The following VIT variants were observed in gnomAD, a reference collection of about 807,000 sequenced individuals.
The protein encoded by VIT is vitrin.
A neutral mutation model predicts 78.0 loss-of-function variants in VIT; 99 were observed. The observed-to-expected ratio is 1.27, with a 90% confidence interval of 1.08 to 1.50. The LOEUF (loss-of-function observed/expected upper bound fraction) is 1.50, where lower values mean the gene tolerates loss of function less well. VIT is among the 40% of genes most tolerant of loss of function. The pLI is 0.00. For missense variants in VIT, 1,126 were observed against 875.3 expected (o/e 1.29, Z -3.61); for synonymous variants, 374 against 334.3 (o/e 1.12, Z -1.29).
chr2:36,781,653 C>T (rs190652609), intron 9 of VIT, 74 bp from the exon 10 acceptor site: 133 of 1,542,840 alleles, frequency 8.6e-5, no homozygotes, highest in Non-Finnish European at 1.1e-4. Flanking sequence ...CTTATCATCC[C>T]GGCAATTCAC....
At chr2:36,729,907 C>CA (rs1288152408) in intron 3 of VIT, among the ~76,000 whole-genome samples, 5 of 152,032 alleles carry the variant, frequency 3.3e-5, no homozygotes, top group Admixed American at 1.3e-4. Flanking sequence ...GCAAATCTCG[C>CA]AAAAAAGCCC....
intron 9 of VIT, among the ~76,000 whole-genome samples, chr2:36,776,988 C>A (rs1357137429): frequency 6.7e-6 from 1 of 149,304 alleles, no homozygotes; most frequent in Non-Finnish European, 1.5e-5. Flanking sequence ...ACTTGGGAGG[C>A]TGAGGCAGGA....
At chr2:36,741,793 C>A (rs147461087) in intron 3 of VIT, among the ~76,000 whole-genome samples, 48 of 152,282 alleles carry the variant, frequency 3.2e-4, no homozygotes, top group South Asian at 1.5e-3. Flanking sequence ...CTTCTACCAA[C>A]ACCCCACTCA....
At chr2:36,768,169 C>T (rs150032983) in intron 7 of VIT, among the ~76,000 whole-genome samples, 3,122 of 152,254 alleles carry the variant, frequency 0.021, 69 homozygotes, top group Middle Eastern at 0.095. Context: ...CGGTGGCTCA[C>T]GCCTGTAATC....
At position 36,783,412 on chromosome 2, in the gene VIT, T is replaced by C. The variant is rs1347699551; in HGVS notation, c.910+10T>C. The C allele has an allele frequency of 3.1e-6, 5 of 1,613,918 alleles. No individual in the cohort carries two copies. Among genetic ancestry groups the C allele is most frequent in the Non-Finnish European group, 3.4e-6 (4 of 1,179,920 alleles). ...TCCCTGGGAGATCCAAGTAAGTTAA[T>C]TGACAACTAGAAACCCACGGTGTCT... is the stretch of plus-strand genomic sequence containing the variant. On this transcript the variant is annotated intron_variant, in intron 11 of 15. Coordinates refer to ENST00000379242, the MANE Select transcript of VIT (RefSeq NM_053276.4).
chr2:36,709,708 G>T (rs1665683210), intron 1 of VIT, among the ~76,000 whole-genome samples: 1 of 152,174 alleles, frequency 6.6e-6, no homozygotes. Flanking sequence ...GAACAATAAT[G>T]TGAATGTGAG....
At chr2:36,776,818 C>G (rs1317953884) in intron 9 of VIT, among the ~76,000 whole-genome samples, 3 of 150,684 alleles carry the variant, frequency 2.0e-5, no homozygotes, top group Non-Finnish European at 4.4e-5. Context: ...TGGCCTGGCG[C>G]GGTGGCTCAC....
At chr2:36,697,326 G>C (rs1013867734) in intron 1 of VIT, among the ~76,000 whole-genome samples, 1 of 152,148 alleles carries the variant, frequency 6.6e-6, no homozygotes, top group African/African-American at 2.4e-5. Context: ...TAAAAACTTT[G>C]CTTGGAATAT....
At chr2:36,781,705 T>G (rs771585340) in intron 9 of VIT, 22 bp from the exon 10 acceptor site, 2 of 1,613,788 alleles carry the variant, frequency 1.2e-6, no homozygotes, top group South Asian at 2.2e-5. Flanking sequence ...CAAGTTTGTT[T>G]CTTTTCAATT....
chr2:36,756,011 G>C (rs1017058988), intron 5 of VIT, among the ~76,000 whole-genome samples: 1 of 137,874 alleles, frequency 7.3e-6, no homozygotes, highest in Non-Finnish European at 1.5e-5. Context: ...AGGTTGGAGC[G>C]TAATGACACG....
At chr2:36,758,546 A>G (rs10176155) in intron 5 of VIT, among the ~76,000 whole-genome samples, 6,648 of 152,298 alleles carry the variant, frequency 0.044, 355 homozygotes, top group East Asian at 0.18. Context: ...ATGAAATTCA[A>G]ATGAATCCCA....
Position 36,808,890 on chromosome 2 carries a change from A to G in VIT, c.1808A>G (p.Lys603Arg), listed in dbSNP as rs1666945201. ...INFALEQLFK[K>R]SKPNKRKLMI... The stretch of plus-strand genomic sequence containing the variant: ...TTCGCCCTGGAGCAGCTCTTCAAGA[A>G]GTCCAAGCCCAACAAGAGGAAGTTA... The change falls in exon 15 of 16, where the codon AAG becomes AGG. Residue 603 changes from lysine (K) to arginine (R), a missense_variant. By Grantham distance (26) the Lys-to-Arg change is conservative. Transcript: ENST00000379242. 6.2e-7 allele frequency: 1 copy of G among 1,614,012 alleles called. No homozygotes were observed. The highest frequency in any genetic ancestry group is 1.3e-5 in the African/African-American group (1 of 74,918).
intron 5 of VIT, 24 bp from the exon 6 acceptor site, chr2:36,758,945 G>GTTTT (rs199720074): frequency 7.2e-6 from 10 of 1,393,216 alleles, no homozygotes; most frequent in Admixed American, 3.7e-5. Context: ...AATAAATCTC[G>GTTTT]TTTTTTTTTT....
At chr2:36,785,783 A>G (rs1049158932) in intron 11 of VIT, among the ~76,000 whole-genome samples, 2 of 152,152 alleles carry the variant, frequency 1.3e-5, no homozygotes, top group Admixed American at 1.3e-4. Context: ...CCTGGTTTTG[A>G]TTGCCATGCA....
intron 2 of VIT, 151 bp from the exon 3 acceptor site, chr2:36,729,275 C>A: frequency 3.5e-6 from 2 of 564,478 alleles, no homozygotes; most frequent in Non-Finnish European, 6.2e-6. Context: ...CAGAGAGTAG[C>A]CCCATCATTA....
At chr2:36,764,274 TA>T (rs1285154467) in intron 6 of VIT, among the ~76,000 whole-genome samples, 14 of 152,358 alleles carry the variant, frequency 9.2e-5, no homozygotes, top group Middle Eastern at 3.4e-3. Flanking sequence ...AATTATTAAT[TA>T]CATCCTATTT....
intron 12 of VIT, among the ~76,000 whole-genome samples, chr2:36,794,983 TAG>T (rs1317086167): frequency 6.6e-6 from 1 of 152,144 alleles, no homozygotes; most frequent in East Asian, 1.9e-4. Context: ...AGCTCAGAAG[TAG>T]AGTGTTCACC....
intron 7 of VIT, among the ~76,000 whole-genome samples, chr2:36,768,753 A>G (rs967035088): frequency 2.0e-5 from 3 of 152,228 alleles, no homozygotes; most frequent in African/African-American, 7.2e-5. Flanking sequence ...TGGCATGATT[A>G]GTATGGCAAA....
In VIT at chr2:36,814,554, G is replaced by T. The variant is rs935942618; in HGVS notation, c.*193G>T. 5.8e-5 allele frequency: 39 copies of T among 676,254 alleles called. No homozygotes were observed. The highest frequency in any genetic ancestry group is 8.7e-5 in the Non-Finnish European group (37 of 423,838). 41.9% of individuals were successfully genotyped at this position (676,254 alleles called of 1,614,324 possible). A position where few individuals can be genotyped will look rare whatever the true frequency, so the allele number is the denominator to read the frequency against. ...TGGAGTTACAAAGATGATCACAAAC[G>T]TATAGAATGAGCCAAAAGGCTACAT... On this transcript the variant is annotated 3_prime_UTR_variant, in exon 16 of 16. Transcript: ENST00000379242.
Sources: gnomAD v4.1 joint callset for allele counts (sites outside exome capture counted in the v4.1 genomes callset) on GRCh38, gnomAD v4.1.1 for gene constraint, MANE v1.5 for transcripts, NCBI Gene and HGNC (gene_info 2026-07-23, HGNC 2026-07-21) for gene names.